The following OPCML variants were observed in gnomAD, a reference collection of about 807,000 sequenced individuals.
OPCML encodes the protein opioid-binding protein/cell adhesion molecule.
OPCML carries 13 observed loss-of-function variants against 37.8 expected under a neutral mutation model. That is an observed-to-expected ratio of 0.34 (90% CI 0.22 to 0.55). The LOEUF is 0.55. Among genes scored for constraint, OPCML ranks in the 20% least tolerant of loss-of-function variants. OPCML has a pLI of 0.91. For missense variants in OPCML, 341 were observed against 435.6 expected, an observed-to-expected ratio of 0.78 and a Z score of 1.93; for synonymous variants, 176 against 168.8, an observed-to-expected ratio of 1.04 and a Z score of -0.33.
At chr11:132,536,182 T>C (rs907908793) in intron 3 of OPCML, among the ~76,000 whole-genome samples, 1 of 152,208 alleles carries the variant, frequency 6.6e-6, no homozygotes, top group African/African-American at 2.4e-5. Context: ...CCATTAGAGA[T>C]GGCTCCACAA....
At chr11:132,554,958 C>A (rs1015790732) in intron 3 of OPCML, among the ~76,000 whole-genome samples, 1 of 119,376 alleles carries the variant, frequency 8.4e-6, no homozygotes, top group South Asian at 2.9e-4. Context: ...CTGTTTGGGG[C>A]ATTTTCTCTG....
intron 1 of OPCML, among the ~76,000 whole-genome samples, chr11:133,353,579 G>C (rs143734111): frequency 1.4e-4 from 22 of 152,312 alleles, no homozygotes; most frequent in Non-Finnish European, 2.8e-4. Flanking sequence ...TGATGGGAAA[G>C]GAATCAGTCT....
intron 1 of OPCML, among the ~76,000 whole-genome samples, chr11:133,529,966 C>A (rs1948570674): frequency 6.6e-6 from 1 of 152,160 alleles, no homozygotes; most frequent in South Asian, 2.1e-4. Flanking sequence ...CCTCCCCGTT[C>A]TTGTTCTTAC....
chr11:132,734,190 A>G lies in OPCML; in HGVS notation c.147-76871T>C, dbSNP rs1166946702. 3.1e-4 allele frequency among the ~76,000 whole-genome samples: 47 copies of G among 152,200 alleles called. 1 individual carries two copies. The highest frequency in any genetic ancestry group is 3.1e-3 in the Admixed American group (47 of 15,276). ...ACAATGGAGCTTCAGATTTTAAGATAAAGAATCTTTGTGATAGCCAGGCCC... is the reference window on the plus strand; with the variant it reads ...ACAATGGAGCTTCAGATTTTAAGATGAAGAATCTTTGTGATAGCCAGGCCC... On this transcript the variant is annotated intron_variant, in intron 2 of 7. Coordinates refer to ENST00000524381, the MANE Select transcript of OPCML (RefSeq NM_001012393.5).
At chr11:132,810,961 C>G (rs1939306393) in intron 2 of OPCML, among the ~76,000 whole-genome samples, 1 of 152,090 alleles carries the variant, frequency 6.6e-6, no homozygotes, top group South Asian at 2.1e-4. Context: ...TAACACATCC[C>G]CTTCTTGGGC....
At chr11:133,242,525 A>C (rs140954845) in intron 1 of OPCML, among the ~76,000 whole-genome samples, 2 of 152,270 alleles carry the variant, frequency 1.3e-5, no homozygotes, top group African/African-American at 4.8e-5. Context: ...GGAGAATGCT[A>C]TGTCCTCATG....
chr11:132,467,210 G>A (rs1350990503), intron 4 of OPCML, among the ~76,000 whole-genome samples: 1 of 152,142 alleles, frequency 6.6e-6, no homozygotes, highest in Non-Finnish European at 1.5e-5. Flanking sequence ...CAGGAATGAC[G>A]CCTTGGACAG....
At chr11:132,997,869 A>T (rs1342361574) in intron 1 of OPCML, among the ~76,000 whole-genome samples, 1 of 152,114 alleles carries the variant, frequency 6.6e-6, no homozygotes, top group African/African-American at 2.4e-5. Context: ...TCCTGGACAC[A>T]CTTTCTATCC....
intron 2 of OPCML, among the ~76,000 whole-genome samples, chr11:132,726,838 A>G (rs1366555130): frequency 1.3e-5 from 2 of 152,208 alleles, no homozygotes; most frequent in Non-Finnish European, 2.9e-5. Flanking sequence ...CGTAAAGGAC[A>G]TGGTTCCATG....
At chr11:133,219,442 C>T (rs925892753) in intron 1 of OPCML, among the ~76,000 whole-genome samples, 4 of 152,180 alleles carry the variant, frequency 2.6e-5, no homozygotes, top group African/African-American at 9.7e-5. Flanking sequence ...TTTAGTTTTG[C>T]CTAATCTAGT....
chr11:133,489,257 A>G (rs55728231), intron 1 of OPCML, among the ~76,000 whole-genome samples: 2,144 of 152,222 alleles, frequency 0.014, 57 homozygotes, highest in African/African-American at 0.049. Context: ...GCTTCTGCAC[A>G]GCAAAAGAAA....
chr11:132,962,745 G>T (rs1224079595), intron 1 of OPCML, among the ~76,000 whole-genome samples: 1 of 152,200 alleles, frequency 6.6e-6, no homozygotes, highest in African/African-American at 2.4e-5. Context: ...CAAAGGTTGT[G>T]GGAGGCACTA....
intron 2 of OPCML, among the ~76,000 whole-genome samples, chr11:132,844,762 C>G (rs1427610481): frequency 6.6e-6 from 1 of 151,736 alleles, no homozygotes; most frequent in African/African-American, 2.4e-5. Context: ...AATCTGTGTC[C>G]CTATGAAACT....
In OPCML at chr11:133,422,377, T is replaced by TTATA. The variant is rs10525519; in HGVS notation, c.61+109883_61+109886dup. On this transcript the variant is annotated intron_variant, in intron 1 of 7. Coordinates refer to ENST00000524381, the MANE Select transcript of OPCML (RefSeq NM_001012393.5). The stretch of plus-strand genomic sequence containing the variant: ...CATTTTTTCTCTCAGACCAAAGACA[T>TTATA]TATATATATATATATATGTATATAT... 1,024 of 834,986 alleles carry TTATA rather than the reference T, an allele frequency of 1.2e-3. 36 individuals carry two copies. The highest frequency in any genetic ancestry group is 0.01 in the African/African-American group (338 of 32,340). The allele number at this position is 834,986 out of a possible 1,614,324, so 51.7% of individuals were successfully genotyped here.
At chr11:133,326,498 G>A (rs1271701095) in intron 1 of OPCML, among the ~76,000 whole-genome samples, 1 of 138,580 alleles carries the variant, frequency 7.2e-6, no homozygotes, top group African/African-American at 3.0e-5. Context: ...GTGTGGGTGT[G>A]TGTATGTGTG....
chr11:132,728,044 G>A (rs536732840), intron 2 of OPCML, among the ~76,000 whole-genome samples: 1 of 152,352 alleles, frequency 6.6e-6, no homozygotes, highest in Admixed American at 6.5e-5. Context: ...CAGCTCACCA[G>A]GGAGCTTCAA....
At chr11:133,247,982 C>T (rs143454308) in intron 1 of OPCML, among the ~76,000 whole-genome samples, 198 of 152,166 alleles carry the variant, frequency 1.3e-3, no homozygotes, top group African/African-American at 4.6e-3. Context: ...CAGATGAGTG[C>T]CAGGTTGGGA....
intron 1 of OPCML, among the ~76,000 whole-genome samples, chr11:133,070,550 C>T (rs1048388294): frequency 6.6e-6 from 1 of 152,186 alleles, no homozygotes; most frequent in Admixed American, 6.5e-5. Context: ...TACAAGCCCT[C>T]ACTCCCTACT....
intron 1 of OPCML, among the ~76,000 whole-genome samples, chr11:133,499,448 T>G (rs932816013): frequency 3.3e-5 from 5 of 152,170 alleles, no homozygotes; most frequent in Non-Finnish European, 7.3e-5. Context: ...TAATGATCCC[T>G]GGCCTCCCCT....
Sources: gnomAD v4.1 joint callset for allele counts (sites outside exome capture counted in the v4.1 genomes callset) on GRCh38, gnomAD v4.1.1 for gene constraint, MANE v1.5 for transcripts, NCBI Gene and HGNC (gene_info 2026-07-23, HGNC 2026-07-21) for gene names.